The following N4BP2L2 variants were observed in gnomAD, a reference collection of about 807,000 sequenced individuals.
N4BP2L2 encodes the protein NEDD4 binding protein 2 like 2, also known as NEDD4-binding protein 2-like 2.
N4BP2L2 carries 50 observed loss-of-function variants against 56.2 expected under a neutral mutation model. The ratio of observed to expected loss-of-function variants is 0.89; its 90% CI spans 0.71 to 1.13. N4BP2L2 has a LOEUF of 1.13. N4BP2L2 is among the 50% of genes most tolerant of loss of function. N4BP2L2 has a pLI of 0.00. For synonymous variants in N4BP2L2, 203 were observed against 223.6 expected (o/e 0.91, Z 0.82); for missense variants, 689 against 693.8 (o/e 0.99, Z 0.08).
chr13:32,438,165 T>TA (rs1248703051), intron 8 of N4BP2L2, among the ~76,000 whole-genome samples: 2 of 152,170 alleles, frequency 1.3e-5, no homozygotes, highest in African/African-American at 4.8e-5. Flanking sequence ...TTTTGAAATA[T>TA]ATAATGCATT....
intron 6 of N4BP2L2, among the ~76,000 whole-genome samples, chr13:32,499,406 A>AT (rs144685012): frequency 0.014 from 2,201 of 152,294 alleles, 43 homozygotes; most frequent in Admixed American, 0.046. Context: ...CATTAACTGC[A>AT]TAGGTTGTCC....
At chr13:32,528,621 A>G (rs2053764303) in intron 2 of N4BP2L2, among the ~76,000 whole-genome samples, 1 of 152,208 alleles carries the variant, frequency 6.6e-6, no homozygotes, top group Non-Finnish European at 1.5e-5. Flanking sequence ...TCCAAGAACA[A>G]CAACGAGAGT....
exon 2 of N4BP2L2, chr13:32,536,331 A>G: frequency 6.2e-7 from 1 of 1,614,052 alleles, no homozygotes; most frequent in Admixed American, 1.7e-5. Flanking sequence ...TGATAATCAC[A>G]ATGTGATGGC....
At chr13:32,458,584 TATA>T (rs1260633732) in intron 6 of N4BP2L2, among the ~76,000 whole-genome samples, 1 of 152,166 alleles carries the variant, frequency 6.6e-6, no homozygotes, top group Non-Finnish European at 1.5e-5. Context: ...AGCAATAGGA[TATA>T]ATAATACTAA....
At chr13:32,497,613 A>AC (rs1176528026) in intron 6 of N4BP2L2, among the ~76,000 whole-genome samples, 1 of 152,200 alleles carries the variant, frequency 6.6e-6, no homozygotes. Context: ...AGTCACAGCC[A>AC]CCCTGCAGTG....
chr13:32,442,280 A>T, intron 7 of N4BP2L2: 2 of 985,822 alleles, frequency 2.0e-6, no homozygotes, highest in Non-Finnish European at 2.9e-6. Flanking sequence ...AAGCATCACG[A>T]GATTAATAAA....
intron 6 of N4BP2L2, among the ~76,000 whole-genome samples, chr13:32,471,927 TAAG>T (rs1566082864): frequency 2.0e-5 from 3 of 152,306 alleles, no homozygotes; most frequent in East Asian, 3.9e-4. Flanking sequence ...AAACGATATC[TAAG>T]AAGAATAAAA....
At chr13:32,466,678 T>C (rs550691562) in intron 6 of N4BP2L2, among the ~76,000 whole-genome samples, 5 of 152,216 alleles carry the variant, frequency 3.3e-5, no homozygotes, top group Admixed American at 3.3e-4. Context: ...GATCAACAAA[T>C]ACAAAACTCA....
At chr13:32,536,759 CTAT>C in exon 2 of N4BP2L2, 2 of 1,614,144 alleles carry the variant, frequency 1.2e-6, no homozygotes, top group Non-Finnish European at 1.7e-6. Flanking sequence ...AACATCTGGT[CTAT>C]TACCAGGCAT....
intron 6 of N4BP2L2, among the ~76,000 whole-genome samples, chr13:32,490,345 C>A (rs2086791800): frequency 6.6e-6 from 1 of 152,086 alleles, no homozygotes; most frequent in Non-Finnish European, 1.5e-5. Flanking sequence ...GCTCTCGTCA[C>A]CCAGGCTGGA....
chr13:32,491,002 A>AAG (rs1166927269), intron 6 of N4BP2L2, among the ~76,000 whole-genome samples: 1 of 148,578 alleles, frequency 6.7e-6, no homozygotes, highest in Non-Finnish European at 1.5e-5. Flanking sequence ...GATTAAAGCA[A>AAG]AAAAAAAAAA....
chr13:32,517,830 T>C (rs2049586777), exon 6 of N4BP2L2: 5 of 1,613,602 alleles, frequency 3.1e-6, no homozygotes, highest in Non-Finnish European at 4.2e-6. Context: ...ACAGACACGA[T>C]TATGTGAGCC....
intron 6 of N4BP2L2, among the ~76,000 whole-genome samples, chr13:32,472,003 C>A (rs1374121107): frequency 6.6e-6 from 1 of 152,224 alleles, no homozygotes; most frequent in African/African-American, 2.4e-5. Context: ...AAGCCTCTCT[C>A]TAGGCCTAAC....
chr13:32,520,403 C>T (rs1024722813), intron 5 of N4BP2L2, among the ~76,000 whole-genome samples: 4 of 150,674 alleles, frequency 2.7e-5, no homozygotes, highest in African/African-American at 9.7e-5. Context: ...GCCTTTAATC[C>T]CAGCACTCTG....
chr13:32,442,819 T>A, exon 7 of N4BP2L2: 1 of 1,613,800 alleles, frequency 6.2e-7, no homozygotes, highest in African/African-American at 1.3e-5. Context: ...AGAATAACGC[T>A]GTCCATCAAT....
Position 32,531,328 on chromosome 13 carries a change from A to G in N4BP2L2, c.1260-3796T>C, listed in dbSNP as rs563396496. On this transcript the variant is annotated intron_variant, in intron 2 of 5. Coordinates refer to ENST00000267068, the Ensembl canonical transcript of N4BP2L2. ...TGAGTAATCAATGTACTCTATACTT[A>G]TAATTTCTCACGTAAGAAACAAGTA... Among the ~76,000 whole-genome samples the G allele has an allele frequency of 4.2e-3, 639 of 152,364 alleles. 6 individuals are homozygous for G. The highest frequency in any genetic ancestry group is 0.014 in the African/African-American group (595 of 41,586).
chr13:32,466,520 T>C (rs1240223542), intron 6 of N4BP2L2, among the ~76,000 whole-genome samples: 1 of 151,558 alleles, frequency 6.6e-6, no homozygotes, highest in East Asian at 1.9e-4. Context: ...TGAGCCGAGA[T>C]CAGAGACTCC....
intron 6 of N4BP2L2, among the ~76,000 whole-genome samples, chr13:32,457,696 G>A (rs1050906117): frequency 2.6e-5 from 4 of 152,124 alleles, no homozygotes; most frequent in East Asian, 1.9e-4. Flanking sequence ...AATTCATCAC[G>A]ACTAGACTGG....
At chr13:32,465,586 G>GTA (rs1396429426) in intron 6 of N4BP2L2, among the ~76,000 whole-genome samples, 2 of 152,200 alleles carry the variant, frequency 1.3e-5, no homozygotes, top group Admixed American at 1.3e-4. Flanking sequence ...TACTGTATAT[G>GTA]TAATGCACAC....
Sources: gnomAD v4.1 joint callset for allele counts (sites outside exome capture counted in the v4.1 genomes callset) on GRCh38, gnomAD v4.1.1 for gene constraint, MANE v1.5 for transcripts, NCBI Gene and HGNC (gene_info 2026-07-23, HGNC 2026-07-21) for gene names.